Variants in ERG observed in about 807,000 individuals in gnomAD.
ERG encodes the protein ETS transcription factor ERG.
Under a neutral mutation model 55.3 loss-of-function variants are expected in ERG, and 9 were observed. The observed-to-expected ratio is 0.16, with a 90% CI of 0.10 to 0.28. The LOEUF is 0.28. ERG is among the 10% of genes least tolerant of loss of function. ERG has a pLI of 1.00. For synonymous variants in ERG, 223 were observed against 237.3 expected (o/e 0.94, Z 0.55); for missense variants, 434 against 631.6 (o/e 0.69, Z 3.35).
chr21:38,574,620 CATGTGTAATTGT>C (rs1412863711), intron 2 of ERG, among the ~76,000 whole-genome samples: 2 of 152,196 alleles, frequency 1.3e-5, no homozygotes, highest in Non-Finnish European at 2.9e-5. Flanking sequence ...TGTGTACGTC[CATGTGTAATTGT>C]ATGTGTGGGA....
At chr21:38,397,412 A>C (rs1358060382) in intron 6 of ERG, among the ~76,000 whole-genome samples, 1 of 152,076 alleles carries the variant, frequency 6.6e-6, no homozygotes, top group African/African-American at 2.4e-5. Context: ...ATCCTGACCA[A>C]TATGGTGAAA....
intron 2 of ERG, among the ~76,000 whole-genome samples, chr21:38,535,263 A>G (rs1415279947): frequency 6.6e-6 from 1 of 152,146 alleles, no homozygotes; most frequent in Non-Finnish European, 1.5e-5. Flanking sequence ...ATGGTTGCCA[A>G]AAGGTGGGAG....
chr21:38,533,222 C>A (rs2059685090), intron 2 of ERG, among the ~76,000 whole-genome samples: 1 of 151,938 alleles, frequency 6.6e-6, no homozygotes, highest in Admixed American at 6.5e-5. Context: ...CACCAGCTGA[C>A]CTCTGATGCA....
chr21:38,379,373 G>A (rs1293395437), downstream of ERG, among the ~76,000 whole-genome samples: 3 of 152,200 alleles, frequency 2.0e-5, no homozygotes, highest in Non-Finnish European at 2.9e-5. Context: ...AATGAGTCAT[G>A]AGTCATAAAC....
In ERG at chr21:38,626,234, C is replaced by T. The variant is rs73444312; in HGVS notation, c.-150+35424G>A. 2.5e-3 allele frequency among the ~76,000 whole-genome samples: 377 copies of T among 152,206 alleles called. 2 individuals carry two copies. Among genetic ancestry groups the T allele is most frequent in the African/African-American group, 8.3e-3 (346 of 41,536 alleles). ...ACGTTTGGCCAACACTCACTTTTCC[C>T]AAAATGTCATGATAATAATATTCAG... On this transcript the variant is annotated intron_variant, in intron 1 of 10. Transcript: ENST00000398910.
At chr21:38,447,209 A>C (rs2058900242) in intron 1 of ERG, among the ~76,000 whole-genome samples, 1 of 151,980 alleles carries the variant, frequency 6.6e-6, no homozygotes. Context: ...CGGCACTGAG[A>C]ATCAGCAAGG....
At chr21:38,604,546 GTTA>G (rs1390144958) in intron 1 of ERG, among the ~76,000 whole-genome samples, 1 of 152,184 alleles carries the variant, frequency 6.6e-6, no homozygotes, top group Non-Finnish European at 1.5e-5. Context: ...TCATGTGAAT[GTTA>G]TTATAACAGA....
intron 1 of ERG, among the ~76,000 whole-genome samples, chr21:38,479,408 G>A (rs531237637): frequency 1.8e-4 from 27 of 152,216 alleles, no homozygotes; most frequent in Admixed American, 1.3e-3. Flanking sequence ...CACAATTCAC[G>A]TCCACCTGGA....
chr21:38,618,282 G>A (rs192591113), intron 1 of ERG, among the ~76,000 whole-genome samples: 7 of 151,050 alleles, frequency 4.6e-5, no homozygotes, highest in African/African-American at 7.3e-5. Context: ...TGATCATCTC[G>A]GAACGAACAG....
At chr21:38,479,107 G>A (rs1220307044) in intron 1 of ERG, among the ~76,000 whole-genome samples, 1 of 152,174 alleles carries the variant, frequency 6.6e-6, no homozygotes, top group Non-Finnish European at 1.5e-5. Flanking sequence ...ATTTTATTTT[G>A]ACTATTATGC....
chr21:38,439,247 A>C lies in ERG; in HGVS notation c.236+6157T>G, dbSNP rs1050144487. Among the ~76,000 whole-genome samples the C allele has an allele frequency of 2.0e-5, 3 of 152,338 alleles. No individual in the cohort carries two copies. The East Asian group carries it at 5.8e-4, about 29-fold the overall frequency. On this transcript the variant is annotated intron_variant, in intron 2 of 9. Coordinates refer to ENST00000288319, the MANE Select transcript of ERG (RefSeq NM_182918.4). Reference sequence around the variant, plus strand: ...GCTGGGGATGCTCAGATGGAGGAAAAGCAGCCTGCTCTGCACAGACCTGCC... The same window carrying C: ...GCTGGGGATGCTCAGATGGAGGAAACGCAGCCTGCTCTGCACAGACCTGCC...
At chr21:38,622,500 CCA>C (rs765580673) in intron 1 of ERG, among the ~76,000 whole-genome samples, 8 of 150,438 alleles carry the variant, frequency 5.3e-5, no homozygotes, top group Non-Finnish European at 8.9e-5. Context: ...CTCATACATA[CCA>C]CACACACCAC....
chr21:38,394,676 C>T (rs897613682), intron 6 of ERG, among the ~76,000 whole-genome samples: 2 of 152,156 alleles, frequency 1.3e-5, no homozygotes, highest in African/African-American at 4.8e-5. Flanking sequence ...TTAACAAGAT[C>T]CTGGGTGACT....
intron 1 of ERG, among the ~76,000 whole-genome samples, chr21:38,645,753 T>A (rs1312637795): frequency 6.6e-6 from 1 of 152,190 alleles, no homozygotes; most frequent in East Asian, 1.9e-4. Flanking sequence ...ACAAAAAGCA[T>A]CAGTGAAAAT....
chr21:38,552,207 A>G (rs1009307582), intron 2 of ERG, among the ~76,000 whole-genome samples: 2 of 152,210 alleles, frequency 1.3e-5, no homozygotes, highest in African/African-American at 2.4e-5. Flanking sequence ...TACCAACCAG[A>G]AAAAGCCCTA....
At chr21:38,479,174 AC>A (rs770899493) in intron 1 of ERG, among the ~76,000 whole-genome samples, 3 of 152,240 alleles carry the variant, frequency 2.0e-5, no homozygotes, top group Non-Finnish European at 4.4e-5. Flanking sequence ...TTTTTCATCA[AC>A]AAAACTAATT....
At chr21:38,398,364 T>C (rs181133450) in intron 6 of ERG, among the ~76,000 whole-genome samples, 106 of 152,360 alleles carry the variant, frequency 7.0e-4, no homozygotes, top group African/African-American at 2.5e-3. Context: ...AATAGTCCTC[T>C]GGCTTGTTCA....
chr21:38,517,748 C>T (rs2059562672), intron 2 of ERG, among the ~76,000 whole-genome samples: 1 of 152,040 alleles, frequency 6.6e-6, no homozygotes, highest in African/African-American at 2.4e-5. Context: ...AAATGTGGTA[C>T]ATATACACAA....
At chr21:38,609,892 T>C (rs74344998) in intron 1 of ERG, among the ~76,000 whole-genome samples, 3,414 of 152,366 alleles carry the variant, frequency 0.022, 79 homozygotes, top group East Asian at 0.093. Flanking sequence ...AACCAAGCAT[T>C]AGCGTGTGTT....
Sources: allele counts gnomAD v4.1 joint callset (sites outside exome capture counted in the v4.1 genomes callset), GRCh38; gene constraint gnomAD v4.1.1; transcripts MANE v1.5; gene names NCBI Gene and HGNC (gene_info 2026-07-23, HGNC 2026-07-21).